PCDHGC3: variants seen among roughly 807,000 people sequenced by gnomAD.
PCDHGC3 encodes the protein protocadherin gamma subfamily C, 3.
A neutral mutation model predicts 59.2 loss-of-function variants in PCDHGC3; 26 were observed. The ratio of observed to expected loss-of-function variants is 0.44; its 90% CI spans 0.32 to 0.61. The LOEUF is 0.61. Among genes scored for constraint, PCDHGC3 ranks in the 20% least tolerant of loss-of-function variants. The probability of loss-of-function intolerance (pLI) is 0.05; values close to 1 mark genes in which losing one functional copy is unlikely to be tolerated. For synonymous variants in PCDHGC3, 487 were observed against 519.7 expected, an observed-to-expected ratio of 0.94 and a Z score of 0.86; for missense variants, 1,080 against 1,221.8, an observed-to-expected ratio of 0.88 and a Z score of 1.73.
chr5:141,479,109 A>G (rs925202951), intron 1 of PCDHGC3, among the ~76,000 whole-genome samples: 4 of 152,234 alleles, frequency 2.6e-5, no homozygotes, highest in Admixed American at 2.6e-4. Context: ...TATTTCAAGC[A>G]TTCTACTGGA....
Position 141,490,310 on chromosome 5 carries a change from AC to A in PCDHGC3, c.2431-4494del. 1 of 1,614,084 alleles carries A rather than the reference AC, an allele frequency of 6.2e-7. No homozygotes were observed. The highest frequency in any genetic ancestry group is 8.5e-7 in the Non-Finnish European group (1 of 1,180,012). ...GAGGTGCTATTGGCCTCTTTGGCCA[AC>A]CCTGTCCTAGAGAGCACACCAGTGG... is the stretch of plus-strand genomic sequence containing the variant. On this transcript the variant is annotated intron_variant, in intron 1 of 3. Transcript: ENST00000308177. This position sits in a 1 kb window ranked among gnomAD's most constrained non-coding sequence, Gnocchi z 5.4.
chr5:141,500,434 C>T (rs1216731905), intron 2 of PCDHGC3, among the ~76,000 whole-genome samples: 1 of 152,014 alleles, frequency 6.6e-6, no homozygotes, highest in Non-Finnish European at 1.5e-5. Flanking sequence ...TGGTCTCGAT[C>T]TCCTGACCTC....
At chr5:141,496,637 C>T (rs907246032) in intron 2 of PCDHGC3, among the ~76,000 whole-genome samples, 6 of 152,214 alleles carry the variant, frequency 3.9e-5, no homozygotes, top group Non-Finnish European at 7.3e-5. Context: ...GCTTGGGCTG[C>T]CCTTGCCCTT....
Position 141,485,274 on chromosome 5 carries a change from C to A in PCDHGC3, c.2430+6728C>A. 1 of 1,614,106 alleles carries A rather than the reference C, an allele frequency of 6.2e-7. No homozygotes were observed. The highest frequency in any genetic ancestry group is 1.3e-5 in the African/African-American group (1 of 75,036). ...TACGTTTGTGGGCAGATCCGCTACC[C>A]GGTCCCAGAGGAGTCACAGGAAGGG... On this transcript the variant is annotated intron_variant, in intron 1 of 3. Transcript: ENST00000308177. The surrounding 1 kb of genome is among the most constrained non-coding windows in gnomAD (Gnocchi z 5.7).
Position 141,485,444 on chromosome 5 carries a change from G to T in PCDHGC3, c.2430+6898G>T. 1 of 1,614,108 alleles carries T rather than the reference G, an allele frequency of 6.2e-7. No homozygotes were observed. The highest frequency in any genetic ancestry group is 8.5e-7 in the Non-Finnish European group (1 of 1,180,020). ...AGCCCTGCTCATCAAGAACCCAATC[G>T]ACCGAGAGGCACTGTGTGGGCTCAG... is the stretch of plus-strand genomic sequence containing the variant. On this transcript the variant is annotated intron_variant, in intron 1 of 3. Coordinates refer to ENST00000308177, the MANE Select transcript of PCDHGC3 (RefSeq NM_002588.4). This position sits in a 1 kb window ranked among gnomAD's most constrained non-coding sequence, Gnocchi z 5.7.
chr5:141,502,383 G>A (rs941410477), intron 2 of PCDHGC3, among the ~76,000 whole-genome samples: 2 of 151,846 alleles, frequency 1.3e-5, no homozygotes, highest in African/African-American at 4.8e-5. Context: ...CAGGCCAGTT[G>A]TACTTTAAAA....
rs2099745664 is a variant in PCDHGC3 at position 141,493,015 on chromosome 5, T to A, written c.2431-1792T>A. Among the ~76,000 whole-genome samples, 1 of 152,238 alleles carries A rather than the reference T, an allele frequency of 6.6e-6. No homozygotes were observed. The highest frequency in any genetic ancestry group is 1.5e-5 in the Non-Finnish European group (1 of 68,040). ...ATGGAAAGCTATAGGCTCTGCCAGA[T>A]GCCAGGGTGCCCTTATGTGTGAGGA... On this transcript the variant is annotated intron_variant, in intron 1 of 3. Transcript: ENST00000308177. The surrounding 1 kb of genome is among the most constrained non-coding windows in gnomAD (Gnocchi z 4.3).
At chr5:141,478,719 T>C in intron 1 of PCDHGC3, 173 bp downstream of exon 1, 1 of 1,543,882 alleles carries the variant, frequency 6.5e-7, no homozygotes, top group South Asian at 1.2e-5. Context: ...GATGGTGGCC[T>C]GCCAGAGTGT....
At chr5:141,507,283 G>T (rs917383969) in intron 3 of PCDHGC3, 2 of 150,498 alleles carry the variant, frequency 1.3e-5, no homozygotes, top group Non-Finnish European at 2.9e-5. Context: ...GCATAAGTCA[G>T]TCTCAAATGT....
At position 141,511,855 on chromosome 5, in the gene PCDHGC3, ATTGT is replaced by A. The variant is rs2099883980; in HGVS notation, c.*686_*689del. ...GGACCAGTCTTCTGTTTTGTTTTTCATTGTTTGACGTTTCCACTGCATGCCTTGA... is the reference window on the plus strand; with the variant it reads ...GGACCAGTCTTCTGTTTTGTTTTTCATTGACGTTTCCACTGCATGCCTTGA... On this transcript the variant is annotated 3_prime_UTR_variant, in exon 4 of 4. Coordinates refer to ENST00000308177, the MANE Select transcript of PCDHGC3 (RefSeq NM_002588.4). 1 of 156,316 alleles carries A rather than the reference ATTGT, an allele frequency of 6.4e-6. No individual in the cohort carries two copies. Among genetic ancestry groups the A allele is most frequent in the South Asian group, 2.0e-4 (1 of 5,082 alleles). The allele number at this position is 156,316 out of a possible 1,614,324, so 9.7% of individuals were successfully genotyped here.
At chr5:141,496,808 G>A (rs1387209844) in intron 2 of PCDHGC3, among the ~76,000 whole-genome samples, 3 of 151,736 alleles carry the variant, frequency 2.0e-5, no homozygotes, top group South Asian at 4.2e-4. Flanking sequence ...GGCTATAGGA[G>A]TGAACAAGTA....
At position 141,485,293 on chromosome 5, in the gene PCDHGC3, G is replaced by A. The variant is rs1356836741; in HGVS notation, c.2430+6747G>A. On this transcript the variant is annotated intron_variant, in intron 1 of 3. Transcript: ENST00000308177. The surrounding 1 kb of genome is among the most constrained non-coding windows in gnomAD (Gnocchi z 5.7). ...GCTACCCGGTCCCAGAGGAGTCACA[G>A]GAAGGGACTTTTGTAGGGAATGTCG... 1 of 1,614,170 alleles carries A rather than the reference G, an allele frequency of 6.2e-7. No individual in the cohort carries two copies.
intron 2 of PCDHGC3, among the ~76,000 whole-genome samples, chr5:141,504,490 TGC>T (rs2099838709): frequency 6.6e-6 from 1 of 152,056 alleles, no homozygotes; most frequent in Non-Finnish European, 1.5e-5. Flanking sequence ...TGGAGGCACC[TGC>T]CCAGTCTGAG....
rs773048793 is a variant in PCDHGC3, at chr5:141,505,456, A to T, written c.2553A>T (p.Gln851His). The T allele has an allele frequency of 1.3e-5, 21 of 1,614,110 alleles. No homozygotes were observed. The highest frequency in any genetic ancestry group is 1.7e-5 in the Non-Finnish European group (20 of 1,180,044). The change falls in exon 3 of 4, where the codon CAA becomes CAT. Residue 851 changes from glutamine (Q) to histidine (H), a missense_variant. By Grantham distance (24) the Gln-to-His change is conservative (BLOSUM62 0). Coordinates refer to ENST00000308177, the MANE Select transcript of PCDHGC3 (RefSeq NM_002588.4). ...ACCAGTTTGACACAGAGATGCTGCA[A>T]GCCATGATCTTGGCGTCCGCCAGTG... ...PNNQFDTEML[Q>H]AMILASASEA...
chr5:141,483,786 C>T (rs2099587125), intron 1 of PCDHGC3, among the ~76,000 whole-genome samples: 1 of 152,136 alleles, frequency 6.6e-6, no homozygotes, highest in African/African-American at 2.4e-5. Context: ...AGGATAAGAA[C>T]TCCAGTTGTT....
intron 2 of PCDHGC3, among the ~76,000 whole-genome samples, chr5:141,501,365 A>G (rs1360125423): frequency 1.3e-5 from 2 of 151,500 alleles, no homozygotes; most frequent in Admixed American, 6.6e-5. Flanking sequence ...AACCATATTC[A>G]TCATCTCTTA....
In PCDHGC3 at chr5:141,490,751, C is replaced by T. The variant is rs2099703884; in HGVS notation, c.2431-4056C>T. 6.2e-6 allele frequency: 10 copies of T among 1,614,092 alleles called. No individual in the cohort carries two copies. The highest frequency in any genetic ancestry group is 1.7e-5 in the Admixed American group (1 of 60,012). ...AATCAGGTTCAGGGAGCCCCAGCCT[C>T]CTCCTTTGTGTATGTCAACCCAGAG... On this transcript the variant is annotated intron_variant, in intron 1 of 3. Coordinates refer to ENST00000308177, the MANE Select transcript of PCDHGC3 (RefSeq NM_002588.4). This position sits in a 1 kb window ranked among gnomAD's most constrained non-coding sequence, Gnocchi z 5.4.
chr5:141,476,839 G>A lies in PCDHGC3; in HGVS notation c.723G>A (p.Ala241=), dbSNP rs372676286. The A allele has an allele frequency of 5.0e-6, 8 of 1,613,490 alleles. No homozygotes were observed. Among genetic ancestry groups the A allele is most frequent in the South Asian group, 1.1e-5 (1 of 91,088 alleles). Residue 241 remains alanine (A), a synonymous_variant, in exon 1 of 4, where the codon GCG becomes GCA. Transcript: ENST00000308177. The surrounding 1 kb of genome is among the most constrained non-coding windows in gnomAD (Gnocchi z 7.6). The part of the protein sequence containing the change: ...HIKVLDANDN[A]PVFNQSLYRA... ...AGGTGCTGGACGCGAATGACAATGC[G>A]CCTGTCTTCAACCAGTCCTTGTACC...
rs986276637 is a variant in PCDHGC3, at chr5:141,487,728, C to A, written c.2431-7079C>A. The A allele has an allele frequency of 3.2e-6, 5 of 1,570,444 alleles. No individual in the cohort carries two copies. The highest frequency in any genetic ancestry group is 2.3e-5 in the East Asian group (1 of 42,866). On this transcript the variant is annotated intron_variant, in intron 1 of 3. Transcript: ENST00000308177. The surrounding 1 kb of genome is among the most constrained non-coding windows in gnomAD (Gnocchi z 5.0). ...TCAGTAAGTGCCCATAGTGATGTCACCATTTTTGTAAGAGGTAACTATGTG... is the reference window on the plus strand; with the variant it reads ...TCAGTAAGTGCCCATAGTGATGTCAACATTTTTGTAAGAGGTAACTATGTG...
Sources: allele counts gnomAD v4.1 joint callset (sites outside exome capture counted in the v4.1 genomes callset), GRCh38; gene constraint gnomAD v4.1.1; non-coding constraint Gnocchi (gnomAD v3.1); transcripts MANE v1.5; gene names NCBI Gene and HGNC (gene_info 2026-07-23, HGNC 2026-07-21).